The following GPT2 variants were observed in gnomAD, a reference collection of about 807,000 sequenced individuals.
GPT2 encodes the protein alanine aminotransferase 2.
Under a neutral mutation model 56.9 loss-of-function variants are expected in GPT2, and 30 were observed. That is an observed-to-expected ratio of 0.53 (90% CI 0.39 to 0.72). The LOEUF (loss-of-function observed/expected upper bound fraction) is 0.72, where lower values mean the gene tolerates loss of function less well. Ranked by LOEUF, GPT2 falls within the 30% of genes least tolerant of loss-of-function variation. GPT2 has a pLI of 0.00. For synonymous variants in GPT2, 271 were observed against 283.1 expected (o/e 0.96, Z 0.43); for missense variants, 542 against 703.4 (o/e 0.77, Z 2.60).
At chr16:46,916,765 AC>A in intron 7 of GPT2, 58 bp downstream of exon 7, 1 of 1,183,952 alleles carries the variant, frequency 8.4e-7, no homozygotes, top group South Asian at 1.2e-5. Flanking sequence ...AGAGGGAGGG[AC>A]CCAGCCCCCA....
chr16:46,922,127 A>T, intron 8 of GPT2, 115 bp from the exon 9 acceptor site: 1 of 926,058 alleles, frequency 1.1e-6, no homozygotes, highest in Non-Finnish European at 1.7e-6. Context: ...GAACTCAGCC[A>T]CACCTGGCCA....
At chr16:46,895,603 A>G (rs1354866596) in intron 2 of GPT2, among the ~76,000 whole-genome samples, 4 of 151,742 alleles carry the variant, frequency 2.6e-5, no homozygotes, top group Non-Finnish European at 1.5e-5. Flanking sequence ...GCTCACTGCA[A>G]CCTTGAACTC....
At chr16:46,909,590 T>G (rs1961001672) in intron 5 of GPT2, 94 bp from the exon 6 acceptor site, 2 of 1,424,058 alleles carry the variant, frequency 1.4e-6, no homozygotes, top group Non-Finnish European at 1.9e-6. Context: ...TTGCACAGAG[T>G]TGGACTGGAG....
chr16:46,884,592 G>T, intron 1 of GPT2, 102 bp from the exon 2 acceptor site: 1 of 1,212,468 alleles, frequency 8.2e-7, no homozygotes, highest in East Asian at 3.0e-5. Context: ...AAGCCAGGCT[G>T]GCACCGCTCG....
At chr16:46,890,817 G>T (rs1960570911) in intron 2 of GPT2, among the ~76,000 whole-genome samples, 1 of 152,140 alleles carries the variant, frequency 6.6e-6, no homozygotes, top group Non-Finnish European at 1.5e-5. Flanking sequence ...CTTAAGTCCT[G>T]TTCTCAGCAA....
At chr16:46,924,231 C>A in intron 9 of GPT2, 158 bp from the exon 10 acceptor site, 1 of 798,684 alleles carries the variant, frequency 1.3e-6, no homozygotes. Context: ...CCAGGCAGAG[C>A]AAATCTGAGT....
intron 7 of GPT2, among the ~76,000 whole-genome samples, chr16:46,917,866 G>C (rs892638757): frequency 1.3e-5 from 2 of 152,196 alleles, no homozygotes; most frequent in African/African-American, 2.4e-5. Context: ...AAGGGCAGCA[G>C]AGAGACCCAT....
chr16:46,917,576 A>C (rs1961194105), intron 7 of GPT2, among the ~76,000 whole-genome samples: 1 of 151,860 alleles, frequency 6.6e-6, no homozygotes, highest in South Asian at 2.1e-4. Flanking sequence ...TCCTCTTTTT[A>C]TTTCCTCTTC....
At chr16:46,928,512 A>G (rs767854846) in intron 11 of GPT2, among the ~76,000 whole-genome samples, 7 of 151,654 alleles carry the variant, frequency 4.6e-5, no homozygotes, top group African/African-American at 1.5e-4. Context: ...AATCCCAGCT[A>G]CTCGGGAGGC....
chr16:46,924,785 G>C (rs1444476409), intron 10 of GPT2, among the ~76,000 whole-genome samples: 2 of 152,252 alleles, frequency 1.3e-5, no homozygotes, highest in East Asian at 1.9e-4. Flanking sequence ...TCTGGACTCT[G>C]TGAATGCTGC....
intron 2 of GPT2, among the ~76,000 whole-genome samples, chr16:46,893,092 G>A (rs1307733092): frequency 6.7e-6 from 1 of 149,540 alleles, no homozygotes; most frequent in African/African-American, 2.5e-5. Flanking sequence ...TTTGTGTTTA[G>A]TACAGGTGCA....
At chr16:46,892,323 C>G (rs1203613128) in intron 2 of GPT2, among the ~76,000 whole-genome samples, 1 of 152,054 alleles carries the variant, frequency 6.6e-6, no homozygotes, top group African/African-American at 2.4e-5. Flanking sequence ...TATCTTTATC[C>G]ATTCATCTAC....
chr16:46,888,440 G>T (rs1208139553), intron 2 of GPT2, among the ~76,000 whole-genome samples: 1 of 152,122 alleles, frequency 6.6e-6, no homozygotes, highest in Non-Finnish European at 1.5e-5. Context: ...TCCGCCTCCC[G>T]GGTTGAAGTG....
At chr16:46,909,555 CTG>C (rs1436381140) in intron 5 of GPT2, 127 bp from the exon 6 acceptor site, 43 of 1,042,728 alleles carry the variant, frequency 4.1e-5, no homozygotes, top group Non-Finnish European at 5.6e-5. Flanking sequence ...GATGAGGAAA[CTG>C]AGACTCGGGG....
chr16:46,920,443 G>A (rs1961263798), intron 8 of GPT2, among the ~76,000 whole-genome samples: 1 of 152,232 alleles, frequency 6.6e-6, no homozygotes, highest in Non-Finnish European at 1.5e-5. Flanking sequence ...TACGTACATG[G>A]AGTGAGGCCT....
intron 3 of GPT2, 44 bp downstream of exon 3, chr16:46,897,781 T>A: frequency 6.3e-7 from 1 of 1,585,650 alleles, no homozygotes; most frequent in Non-Finnish European, 8.7e-7. Flanking sequence ...GGCAGGGCCC[T>A]GGGCTGGGCG....
At chr16:46,924,262 A>G in intron 9 of GPT2, 127 bp from the exon 10 acceptor site, 4 of 979,494 alleles carry the variant, frequency 4.1e-6, no homozygotes, top group Non-Finnish European at 6.4e-6. Flanking sequence ...GTCAGAGGGG[A>G]CATGTGTTCA....
In GPT2 at chr16:46,918,703, C is replaced by T. The variant is rs955517345; in HGVS notation, c.983C>T (p.Ser328Phe). ...KVLYEMGPEY[S>F]SNVELASFHS... ...CTGTACGAGATGGGGCCCGAGTACTCCAGCAACGTGGAGCTCGCCTCCTTC... is the reference window on the plus strand; with the variant it reads ...CTGTACGAGATGGGGCCCGAGTACTTCAGCAACGTGGAGCTCGCCTCCTTC... The change falls in exon 8 of 12, where the codon TCC becomes TTC. Residue 328 changes from serine (S) to phenylalanine (F), a missense_variant. Ser to Phe is a radical substitution (Grantham distance 155). Transcript: ENST00000340124. 4 of 1,614,116 alleles carry T rather than the reference C, an allele frequency of 2.5e-6. No homozygotes were observed. Among genetic ancestry groups the T allele is most frequent in the African/African-American group, 2.7e-5 (2 of 74,946 alleles).
intron 7 of GPT2, among the ~76,000 whole-genome samples, chr16:46,917,715 TACAC>T (rs1384272739): frequency 2.6e-5 from 4 of 151,760 alleles, no homozygotes; most frequent in Non-Finnish European, 1.5e-5. Context: ...CACACAGACA[TACAC>T]ACATATACAT....
Sources: gnomAD v4.1 joint callset for allele counts (sites outside exome capture counted in the v4.1 genomes callset) on GRCh38, gnomAD v4.1.1 for gene constraint, MANE v1.5 for transcripts, NCBI Gene and HGNC (gene_info 2026-07-23, HGNC 2026-07-21) for gene names.